Variants in FAM171B observed in about 807,000 individuals in gnomAD.
FAM171B encodes protein FAM171B.
Under a neutral mutation model 75.6 loss-of-function variants are expected in FAM171B, and 19 were observed. That is an observed-to-expected ratio of 0.25 (90% CI 0.18 to 0.37). The LOEUF is 0.37. Among genes scored for constraint, FAM171B ranks in the 10% least tolerant of loss-of-function variants. The probability of loss-of-function intolerance (pLI) is 1.00; values close to 1 mark genes in which losing one functional copy is unlikely to be tolerated. For missense variants in FAM171B, 848 were observed against 982.4 expected, an observed-to-expected ratio of 0.86 and a Z score of 1.83; for synonymous variants, 367 against 361.7, an observed-to-expected ratio of 1.01 and a Z score of -0.17.
rs1303858581 is a variant in FAM171B at position 186,751,173 on chromosome 2, G to A, written c.764G>A (p.Cys255Tyr). ...GAATTGACTCCTCTTGCTGCAATAT[G>A]TGTGAAAATATATTCTGGAGGAAAA... is the stretch of plus-strand genomic sequence containing the variant. ...NIELTPLAAI[C>Y]VKIYSGGKEL... Residue 255 changes from cysteine to tyrosine, a missense_variant, in exon 5 of 8, where the codon TGT becomes TAT. Physicochemically the swap from Cys to Tyr is radical, Grantham distance 194. Coordinates refer to ENST00000304698, the MANE Select transcript of FAM171B (RefSeq NM_177454.4). 5.6e-6 allele frequency: 9 copies of A among 1,609,580 alleles called. No individual in the cohort carries two copies. The Admixed American group carries it at 1.5e-4, about 27-fold the overall frequency.
rs753520734 is a variant in FAM171B, at chr2:186,743,545, G to A, written c.535G>A (p.Asp179Asn). 5 of 1,612,882 alleles carry A rather than the reference G, an allele frequency of 3.1e-6. No homozygotes were observed. The Admixed American group carries it at 6.7e-5, about 22-fold the overall frequency. Residue 179 changes from aspartate to asparagine, a missense_variant, in exon 3 of 8, where the codon GAC becomes AAC. Physicochemically the swap from Asp to Asn is conservative, Grantham distance 23. Transcript: ENST00000304698. ...CCAAGCAAATATATGGCTATTTGAAGACACTGTTTTAATTACTGGAAAATT... is the reference window on the plus strand; with the variant it reads ...CCAAGCAAATATATGGCTATTTGAAAACACTGTTTTAATTACTGGAAAATT... ...QSQANIWLFE[D>N]TVLITGKLAD...
chr2:186,757,734 A>G (rs1690552906), intron 6 of FAM171B, among the ~76,000 whole-genome samples: 1 of 152,162 alleles, frequency 6.6e-6, no homozygotes, highest in Non-Finnish European at 1.5e-5. Context: ...CTAGACATGC[A>G]TGCACACACA....
chr2:186,753,428 T>A (rs947780453), intron 5 of FAM171B, among the ~76,000 whole-genome samples: 1 of 152,216 alleles, frequency 6.6e-6, no homozygotes, highest in Admixed American at 6.5e-5. Context: ...AATGTGAAAA[T>A]TTAGTACTTT....
chr2:186,762,426 G>C lies in FAM171B; in HGVS notation c.2084G>C (p.Gly695Ala). The C allele has an allele frequency of 1.2e-6, 2 of 1,613,632 alleles. No homozygotes were observed. The highest frequency in any genetic ancestry group is 1.7e-6 in the Non-Finnish European group (2 of 1,179,770). ...CACTCCTTTATAGACCTGAAAAAGG[G>C]CAAGAGAACCCAGAGCAATGACACC... ...VRHSFIDLKK[G>A]KRTQSNDTSL... The change falls in exon 8 of 8, where the codon GGC becomes GCC. Residue 695 changes from glycine to alanine, a missense_variant. By Grantham distance (60) the Gly-to-Ala change is moderately conservative. Transcript: ENST00000304698. The surrounding 1 kb of genome is among the most constrained non-coding windows in gnomAD (Gnocchi z 4.0).
intron 4 of FAM171B, among the ~76,000 whole-genome samples, chr2:186,750,199 G>A (rs1690428839): frequency 6.6e-6 from 1 of 152,108 alleles, no homozygotes; most frequent in Non-Finnish European, 1.5e-5. Flanking sequence ...TTTAACATCT[G>A]TAATAGTTTT....
chr2:186,738,937 C>T (rs772176156), intron 1 of FAM171B, among the ~76,000 whole-genome samples: 1 of 152,046 alleles, frequency 6.6e-6, no homozygotes, highest in Non-Finnish European at 1.5e-5. Context: ...TCATAATGTA[C>T]CTATACAAAC....
At chr2:186,718,282 C>A (rs1361693039) in intron 1 of FAM171B, among the ~76,000 whole-genome samples, 1 of 152,210 alleles carries the variant, frequency 6.6e-6, no homozygotes, top group Non-Finnish European at 1.5e-5. Flanking sequence ...ACCTTCCTTA[C>A]ATCAGCAGCG....
intron 1 of FAM171B, among the ~76,000 whole-genome samples, chr2:186,696,571 C>T (rs979953484): frequency 6.8e-6 from 1 of 147,746 alleles, no homozygotes; most frequent in East Asian, 2.0e-4. Flanking sequence ...AGGTCTAGAT[C>T]CTTTGTATCC....
intron 2 of FAM171B, among the ~76,000 whole-genome samples, chr2:186,742,491 TTTCCTTTTAC>T (rs1377634558): frequency 6.6e-6 from 1 of 152,198 alleles, no homozygotes; most frequent in Admixed American, 6.5e-5. Flanking sequence ...GAAAAGTATA[TTTCCTTTTAC>T]TTCCACCCAT....
intron 4 of FAM171B, among the ~76,000 whole-genome samples, chr2:186,748,760 C>A (rs188661546): frequency 6.6e-6 from 1 of 152,286 alleles, no homozygotes; most frequent in African/African-American, 2.4e-5. Flanking sequence ...AAACTATTTG[C>A]CCTCAAATTA....
intron 1 of FAM171B, among the ~76,000 whole-genome samples, chr2:186,726,085 T>G (rs1490473984): frequency 6.6e-6 from 1 of 152,224 alleles, no homozygotes; most frequent in Non-Finnish European, 1.5e-5. Flanking sequence ...TTAGCTTTGG[T>G]GAATCACACT....
At chr2:186,724,229 G>A (rs1329713320) in intron 1 of FAM171B, among the ~76,000 whole-genome samples, 1 of 135,904 alleles carries the variant, frequency 7.4e-6, no homozygotes, top group Non-Finnish European at 1.7e-5. Flanking sequence ...ACTGATTGAT[G>A]ATGATATTTT....
chr2:186,747,784 A>T (rs1415242294), intron 4 of FAM171B, among the ~76,000 whole-genome samples: 1 of 152,184 alleles, frequency 6.6e-6, no homozygotes, highest in Non-Finnish European at 1.5e-5. Flanking sequence ...ATATTTCTAT[A>T]AGGCTGTCAT....
At chr2:186,759,528 A>C (rs552328875) in intron 6 of FAM171B, among the ~76,000 whole-genome samples, 116 of 152,200 alleles carry the variant, frequency 7.6e-4, no homozygotes, top group African/African-American at 2.7e-3. Flanking sequence ...TTTTGGATAA[A>C]AGTCATGTGA....
chr2:186,751,447 C>T, intron 5 of FAM171B, 143 bp downstream of exon 5: 1 of 624,938 alleles, frequency 1.6e-6, no homozygotes, highest in Non-Finnish European at 2.4e-6. Flanking sequence ...ATTGACTTCA[C>T]TTTGATTAAT....
chr2:186,756,147 C>A (rs1385055781), intron 6 of FAM171B, among the ~76,000 whole-genome samples: 1 of 113,104 alleles, frequency 8.8e-6, no homozygotes, highest in East Asian at 2.2e-4. Flanking sequence ...TTTCTAAAAC[C>A]ACATGGAAGT....
chr2:186,742,682 C>T (rs1040192151), intron 2 of FAM171B, among the ~76,000 whole-genome samples: 5 of 152,114 alleles, frequency 3.3e-5, no homozygotes, highest in Admixed American at 3.3e-4. Flanking sequence ...AGATATCAAA[C>T]GAGAACTCGT....
At chr2:186,716,643 T>C (rs910980953) in intron 1 of FAM171B, among the ~76,000 whole-genome samples, 2 of 152,118 alleles carry the variant, frequency 1.3e-5, no homozygotes, top group Non-Finnish European at 2.9e-5. Flanking sequence ...CAATGATCTG[T>C]TTAGTAGGTA....
At chr2:186,712,009 T>A (rs958119598) in intron 1 of FAM171B, among the ~76,000 whole-genome samples, 1 of 152,218 alleles carries the variant, frequency 6.6e-6, no homozygotes, top group Non-Finnish European at 1.5e-5. Context: ...TGAATTTCTT[T>A]AAGGCATAGG....
Sources: gnomAD v4.1 joint callset for allele counts (sites outside exome capture counted in the v4.1 genomes callset) on GRCh38, gnomAD v4.1.1 for gene constraint, Gnocchi (gnomAD v3.1) non-coding constraint, MANE v1.5 for transcripts, NCBI Gene and HGNC (gene_info 2026-07-23, HGNC 2026-07-21) for gene names.